Variants in PRKN observed in about 807,000 individuals in gnomAD.
The protein encoded by PRKN is E3 ubiquitin-protein ligase parkin.
PRKN carries 56 observed loss-of-function variants against 59.5 expected under a neutral mutation model. The observed-to-expected ratio is 0.94, with a 90% confidence interval of 0.76 to 1.18. The LOEUF is 1.18. Ranked by LOEUF, PRKN falls within the 50% of genes most tolerant of loss-of-function variation. The probability of loss-of-function intolerance (pLI) is 0.00; values close to 1 mark genes in which losing one functional copy is unlikely to be tolerated. For synonymous variants in PRKN, 250 were observed against 222.1 expected (o/e 1.13, Z -1.12); for missense variants, 657 against 596.4 (o/e 1.10, Z -1.06).
intron 2 of PRKN, among the ~76,000 whole-genome samples, chr6:162,426,321 G>A (rs1332018633): frequency 6.6e-6 from 1 of 152,168 alleles, no homozygotes; most frequent in Non-Finnish European, 1.5e-5. Flanking sequence ...TCCTTATGAG[G>A]CATGACTGTT....
Position 161,878,492 on chromosome 6 carries a change from C to T in PRKN, c.735-92584G>A, listed in dbSNP as rs9456719. Among the ~76,000 whole-genome samples, 724 of 152,128 alleles carry T rather than the reference C, an allele frequency of 4.8e-3. 9 individuals are homozygous for T. The highest frequency in any genetic ancestry group is 0.017 in the African/African-American group (697 of 41,500). Reference sequence around the variant, plus strand: ...TTCTTCCTTTTGAAATCGCACAGTACGAATTATTTTGTGTTTGAATTTTCT... The same window carrying T: ...TTCTTCCTTTTGAAATCGCACAGTATGAATTATTTTGTGTTTGAATTTTCT... On this transcript the variant is annotated intron_variant, in intron 6 of 11. Transcript: ENST00000366898.
At chr6:161,814,085 C>A (rs117906693) in intron 6 of PRKN, among the ~76,000 whole-genome samples, 2 of 152,240 alleles carry the variant, frequency 1.3e-5, no homozygotes, top group East Asian at 1.9e-4. Context: ...TTTGGTGATG[C>A]GACGTTTTTT....
intron 1 of PRKN, among the ~76,000 whole-genome samples, chr6:162,680,277 CTTAA>C (rs1012741866): frequency 7.3e-5 from 11 of 150,322 alleles, no homozygotes; most frequent in South Asian, 2.1e-4. Flanking sequence ...TTAATATATA[CTTAA>C]TTAAGCATAT....
At chr6:161,667,114 T>G (rs564058000) in intron 7 of PRKN, among the ~76,000 whole-genome samples, 1 of 152,124 alleles carries the variant, frequency 6.6e-6, no homozygotes, top group East Asian at 1.9e-4. Flanking sequence ...GAAACACTAG[T>G]CCCCCTGAGC....
At chr6:161,959,507 T>C (rs1344482333) in intron 6 of PRKN, among the ~76,000 whole-genome samples, 1 of 152,236 alleles carries the variant, frequency 6.6e-6, no homozygotes, top group Admixed American at 6.6e-5. Context: ...AGAAGTCTTA[T>C]CTTTCCCAAA....
intron 6 of PRKN, among the ~76,000 whole-genome samples, chr6:161,943,850 A>G (rs1355745350): frequency 1.9e-5 from 1 of 52,038 alleles, no homozygotes; most frequent in Non-Finnish European, 4.6e-5. Flanking sequence ...CTGAGGGATC[A>G]GCCTGAGGAA....
At chr6:161,382,013 G>A (rs1786009967) in intron 10 of PRKN, among the ~76,000 whole-genome samples, 1 of 151,078 alleles carries the variant, frequency 6.6e-6, no homozygotes, top group South Asian at 2.1e-4. Context: ...TTGGAAGGCT[G>A]GGGCAGGAGA....
At chr6:162,603,154 T>C (rs948617553) in intron 1 of PRKN, among the ~76,000 whole-genome samples, 1 of 152,196 alleles carries the variant, frequency 6.6e-6, no homozygotes, top group Non-Finnish European at 1.5e-5. Context: ...CTGAGTATAT[T>C]ACTGTTGAGT....
At chr6:162,107,153 A>G (rs1780223266) in intron 4 of PRKN, among the ~76,000 whole-genome samples, 1 of 152,194 alleles carries the variant, frequency 6.6e-6, no homozygotes, top group South Asian at 2.1e-4. Context: ...GTGAGTACCA[A>G]GATTCCTTGC....
chr6:162,312,674 A>T (rs769515520), intron 2 of PRKN, among the ~76,000 whole-genome samples: 1 of 152,162 alleles, frequency 6.6e-6, no homozygotes, highest in African/African-American at 2.4e-5. Context: ...GTTCATTTAC[A>T]TAAGTGGTTC....
In PRKN at chr6:161,581,892, AG is replaced by A. The variant is rs886942673; in HGVS notation, c.872-12477del. Among the ~76,000 whole-genome samples, 20 of 152,326 alleles carry A rather than the reference AG, an allele frequency of 1.3e-4. No individual in the cohort carries two copies. The highest frequency in any genetic ancestry group is 4.6e-4 in the African/African-American group (19 of 41,570). Reference sequence around the variant, plus strand: ...TCAATATTTACTGCGCAGAGAGCTGAGGACACACATTAATGAAACAGTCCAC... The same window carrying A: ...TCAATATTTACTGCGCAGAGAGCTGAGACACACATTAATGAAACAGTCCAC... On this transcript the variant is annotated intron_variant, in intron 7 of 11. Transcript: ENST00000366898. The surrounding 1 kb of genome is among the most constrained non-coding windows in gnomAD (Gnocchi z 4.5).
chr6:162,369,490 A>T (rs1178250606), intron 2 of PRKN, among the ~76,000 whole-genome samples: 1 of 152,224 alleles, frequency 6.6e-6, no homozygotes, highest in Non-Finnish European at 1.5e-5. Flanking sequence ...ATCATTAGCC[A>T]ATTTGTGTGG....
At chr6:162,138,846 T>C (rs1781657457) in intron 4 of PRKN, among the ~76,000 whole-genome samples, 1 of 152,138 alleles carries the variant, frequency 6.6e-6, no homozygotes, top group African/African-American at 2.4e-5. Flanking sequence ...TCATAACTCA[T>C]CTCACCAAGA....
chr6:161,764,416 A>G (rs528136594), intron 7 of PRKN, among the ~76,000 whole-genome samples: 1 of 152,340 alleles, frequency 6.6e-6, no homozygotes, highest in Admixed American at 6.5e-5. Context: ...GACACACTTT[A>G]TAAATTGTAG....
chr6:161,978,828 G>T (rs1044599596), intron 5 of PRKN, among the ~76,000 whole-genome samples: 1 of 152,238 alleles, frequency 6.6e-6, no homozygotes, highest in Non-Finnish European at 1.5e-5. Flanking sequence ...GCAGGGGTTG[G>T]CCGGGGAAGT....
At chr6:162,066,754 G>T (rs1013848675) in intron 4 of PRKN, among the ~76,000 whole-genome samples, 2 of 152,118 alleles carry the variant, frequency 1.3e-5, no homozygotes, top group African/African-American at 4.8e-5. Context: ...TCAGACCCAG[G>T]AATTCTAATA....
At position 161,376,470 on chromosome 6, in the gene PRKN, AT is replaced by A. The variant is rs1359561931; in HGVS notation, c.1167+10323del. Among the ~76,000 whole-genome samples, 3 of 152,130 alleles carry A rather than the reference AT, an allele frequency of 2.0e-5. No individual in the cohort carries two copies. The highest frequency in any genetic ancestry group is 7.2e-5 in the African/African-American group (3 of 41,410). The stretch of plus-strand genomic sequence containing the variant: ...CATCAACATTAACCCGTCTCCTCTC[AT>A]CCTGTCTTCTAATCCACTGCCAAGT... On this transcript the variant is annotated intron_variant, in intron 10 of 11. Coordinates refer to ENST00000366898, the MANE Select transcript of PRKN (RefSeq NM_004562.3). This position sits in a 1 kb window ranked among gnomAD's most constrained non-coding sequence, Gnocchi z 7.3.
chr6:162,214,601 C>T (rs964877565), intron 3 of PRKN, among the ~76,000 whole-genome samples: 5 of 152,182 alleles, frequency 3.3e-5, no homozygotes, highest in Non-Finnish European at 5.9e-5. Context: ...ATTGAAGGTT[C>T]CAGGGAAGTT....
chr6:162,483,318 T>C (rs1792388719), intron 1 of PRKN, among the ~76,000 whole-genome samples: 1 of 152,180 alleles, frequency 6.6e-6, no homozygotes, highest in South Asian at 2.1e-4. Context: ...TGCGATTGTT[T>C]TGTGTCTTAT....
Sources: allele counts gnomAD v4.1 joint callset (sites outside exome capture counted in the v4.1 genomes callset), GRCh38; gene constraint gnomAD v4.1.1; non-coding constraint Gnocchi (gnomAD v3.1); transcripts MANE v1.5; gene names NCBI Gene and HGNC (gene_info 2026-07-23, HGNC 2026-07-21).